The following UNC5C variants were observed in gnomAD, a reference collection of about 807,000 sequenced individuals.
UNC5C encodes the protein netrin receptor UNC5C.
Under a neutral mutation model 99.8 loss-of-function variants are expected in UNC5C, and 47 were observed. The observed-to-expected ratio is 0.47, with a 90% CI of 0.37 to 0.60. UNC5C has a LOEUF of 0.60. UNC5C is among the 20% of genes least tolerant of loss of function. The pLI is 0.00. For synonymous variants in UNC5C, 487 were observed against 452.2 expected, an observed-to-expected ratio of 1.08 and a Z score of -0.98; for missense variants, 1,062 against 1,165.9, an observed-to-expected ratio of 0.91 and a Z score of 1.30.
At chr4:95,198,899 G>A (rs960739334) in intron 12 of UNC5C, among the ~76,000 whole-genome samples, 12 of 152,218 alleles carry the variant, frequency 7.9e-5, no homozygotes, top group Non-Finnish European at 1.5e-4. Flanking sequence ...ATTTGGGAAA[G>A]TGTTTAGGAT....
intron 1 of UNC5C, among the ~76,000 whole-genome samples, chr4:95,526,612 G>A (rs1013102827): frequency 6.6e-6 from 1 of 151,770 alleles, no homozygotes; most frequent in Non-Finnish European, 1.5e-5. Flanking sequence ...TTTTTAATTT[G>A]TGTCTTCAAA....
intron 11 of UNC5C, among the ~76,000 whole-genome samples, chr4:95,203,497 T>C (rs1427074183): frequency 2.0e-5 from 3 of 152,046 alleles, no homozygotes; most frequent in Non-Finnish European, 4.4e-5. Flanking sequence ...GAAACAGGAG[T>C]CTCACTCTAC....
intron 1 of UNC5C, among the ~76,000 whole-genome samples, chr4:95,436,184 TG>T (rs1375435675): frequency 2.7e-5 from 4 of 148,596 alleles, no homozygotes; most frequent in Admixed American, 1.4e-4. Flanking sequence ...ATTTATCTGA[TG>T]AAAAAAAAAA....
chr4:95,175,522 T>G (rs1222251237), intron 14 of UNC5C, among the ~76,000 whole-genome samples: 4 of 152,086 alleles, frequency 2.6e-5, no homozygotes, highest in Non-Finnish European at 4.4e-5. Flanking sequence ...TGGCTGGATA[T>G]GAAATTCTGG....
rs770701663 is a variant in UNC5C, at chr4:95,220,050, T to C, written c.1235A>G (p.Asp412Gly). 6.2e-7 allele frequency: 1 copy of C among 1,613,996 alleles called. No homozygotes were observed. The highest frequency in any genetic ancestry group is 1.3e-5 in the African/African-American group (1 of 74,912). ...YRKNHRDFES[D>G]IIDSSALNGG... Reference sequence around the variant, plus strand: ...ATTGAGTGCCGAAGAGTCAATAATATCTGACTCAAAGTCACGATGATTCTT... The same window carrying C: ...ATTGAGTGCCGAAGAGTCAATAATACCTGACTCAAAGTCACGATGATTCTT... Residue 412 changes from aspartate (D) to glycine (G), a missense_variant, in exon 8 of 16, where the codon GAT becomes GGT. Physicochemically the swap from Asp to Gly is moderately conservative, Grantham distance 94. This residue lies in a region of UNC5C where 810 missense variants were observed against 854.5 expected (regional missense o/e 0.95). Transcript: ENST00000453304.
intron 1 of UNC5C, among the ~76,000 whole-genome samples, chr4:95,489,937 T>C (rs1721434281): frequency 6.6e-6 from 1 of 151,564 alleles, no homozygotes; most frequent in South Asian, 2.1e-4. Context: ...CATTAGCATA[T>C]AAGTCAAATT....
At chr4:95,447,826 C>T (rs747663283) in intron 1 of UNC5C, among the ~76,000 whole-genome samples, 8 of 151,982 alleles carry the variant, frequency 5.3e-5, no homozygotes, top group East Asian at 1.9e-4. Flanking sequence ...TTCATTAAGA[C>T]GCAATGATAG....
intron 1 of UNC5C, among the ~76,000 whole-genome samples, chr4:95,376,612 A>C (rs1744902422): frequency 6.6e-6 from 1 of 152,168 alleles, no homozygotes; most frequent in South Asian, 2.1e-4. Flanking sequence ...TTTTATTATG[A>C]TGACAACTGA....
chr4:95,280,077 G>A (rs71601266), intron 3 of UNC5C, among the ~76,000 whole-genome samples: 1,619 of 152,178 alleles, frequency 0.011, 13 homozygotes, highest in Non-Finnish European at 0.015. Flanking sequence ...CCTGCTGTGC[G>A]ACCAGCTCCT....
At chr4:95,448,431 C>T (rs2149466498) in intron 1 of UNC5C, among the ~76,000 whole-genome samples, 2 of 152,210 alleles carry the variant, frequency 1.3e-5, no homozygotes, top group East Asian at 3.9e-4. Context: ...CAATACAATC[C>T]ACTCTGTCTA....
chr4:95,172,902 C>G (rs1318845489), intron 14 of UNC5C, among the ~76,000 whole-genome samples: 3 of 152,050 alleles, frequency 2.0e-5, no homozygotes, highest in East Asian at 1.9e-4. Flanking sequence ...TGTTTGTATC[C>G]TCTTTTATTT....
chr4:95,383,307 C>T (rs1045775980), intron 1 of UNC5C, among the ~76,000 whole-genome samples: 2 of 151,616 alleles, frequency 1.3e-5, no homozygotes, highest in East Asian at 3.9e-4. Flanking sequence ...ATTGTTATAC[C>T]TCTTTTCCAA....
chr4:95,291,170 A>G (rs1741429911), intron 3 of UNC5C, among the ~76,000 whole-genome samples: 1 of 152,196 alleles, frequency 6.6e-6, no homozygotes, highest in African/African-American at 2.4e-5. Flanking sequence ...AAGAAAAAAA[A>G]TCCATACAAG....
chr4:95,350,715 G>T (rs941132911), intron 1 of UNC5C, among the ~76,000 whole-genome samples: 5 of 152,090 alleles, frequency 3.3e-5, no homozygotes, highest in Non-Finnish European at 5.9e-5. Flanking sequence ...ATCTAATAAA[G>T]ATTGAAAATT....
At position 95,186,803 on chromosome 4, in the gene UNC5C, G is replaced by C. The variant is rs572981123; in HGVS notation, c.2137-1607C>G. ...GATGAGTAGCTATGGCTTGTGACAG[G>C]AGCCCGAGCAGTCAGCCAGCCCCCA... On this transcript the variant is annotated intron_variant, in intron 12 of 15. Coordinates refer to ENST00000453304, the MANE Select transcript of UNC5C (RefSeq NM_003728.4). 1.4e-4 allele frequency among the ~76,000 whole-genome samples: 21 copies of C among 152,208 alleles called. 1 individual carries two copies. In the South Asian group the frequency reaches 4.4e-3, roughly 32 times the overall value.
chr4:95,206,897 GA>G (rs1737897828), intron 10 of UNC5C, 101 bp from the exon 11 acceptor site: 1 of 815,950 alleles, frequency 1.2e-6, no homozygotes, highest in Non-Finnish European at 1.7e-6. Context: ...TTTTCTCCTG[GA>G]ATTCTTTTTT....
intron 14 of UNC5C, among the ~76,000 whole-genome samples, chr4:95,172,445 G>A (rs964102299): frequency 6.6e-6 from 1 of 152,144 alleles, no homozygotes; most frequent in African/African-American, 2.4e-5. Context: ...TCCAGTTTCA[G>A]CTTTCTACAT....
intron 1 of UNC5C, among the ~76,000 whole-genome samples, chr4:95,348,707 C>T (rs1470995498): frequency 6.6e-6 from 1 of 151,070 alleles, no homozygotes; most frequent in Non-Finnish European, 1.5e-5. Context: ...AGGTGCTCAA[C>T]ACCATTGATC....
chr4:95,313,573 C>T (rs367770986), intron 2 of UNC5C, among the ~76,000 whole-genome samples: 1 of 152,112 alleles, frequency 6.6e-6, no homozygotes, highest in African/African-American at 2.4e-5. Context: ...AATAATTACT[C>T]ATCCTCATGG....
Sources: allele counts gnomAD v4.1 joint callset (sites outside exome capture counted in the v4.1 genomes callset), GRCh38; gene constraint gnomAD v4.1.1; regional missense constraint gnomAD v4.1.1; transcripts MANE v1.5; gene names NCBI Gene and HGNC (gene_info 2026-07-23, HGNC 2026-07-21).